Variants in MCM3AP observed in about 807,000 individuals in gnomAD.
MCM3AP encodes minichromosome maintenance complex component 3 associated protein, also known as germinal-center associated nuclear protein.
In MCM3AP, 126 loss-of-function variants were observed where a neutral mutation model predicts 184.1. The observed-to-expected ratio is 0.68, with a 90% CI of 0.59 to 0.79. The LOEUF is 0.79. Among genes scored for constraint, MCM3AP ranks in the 30% least tolerant of loss-of-function variants. The probability of loss-of-function intolerance (pLI) is 0.00; values close to 1 mark genes in which losing one functional copy is unlikely to be tolerated. For synonymous variants in MCM3AP, 1,002 were observed against 979.3 expected, an observed-to-expected ratio of 1.02 and a Z score of -0.43; for missense variants, 2,496 against 2,479.2, an observed-to-expected ratio of 1.01 and a Z score of -0.14.
chr21:46,275,361 C>T (rs753905540), intron 5 of MCM3AP, 36 bp from the exon 6 acceptor site: 4 of 1,588,858 alleles, frequency 2.5e-6, no homozygotes, highest in Non-Finnish European at 3.4e-6. Context: ...GAATGTACCA[C>T]ATGGTTAGCA....
intron 7 of MCM3AP, among the ~76,000 whole-genome samples, chr21:46,273,071 A>G (rs1024624708): frequency 1.3e-5 from 2 of 151,764 alleles, no homozygotes; most frequent in Non-Finnish European, 2.9e-5. Flanking sequence ...TCCGCCTCCC[A>G]GGTTCAAGCA....
intron 10 of MCM3AP, chr21:46,266,520 C>T (rs2081114761): frequency 1.3e-5 from 3 of 234,600 alleles, no homozygotes; most frequent in African/African-American, 2.3e-5. Context: ...TTAGAGGAGA[C>T]AGGGTGGGGA....
chr21:46,267,380 G>T, intron 9 of MCM3AP: 1 of 504,826 alleles, frequency 2.0e-6, no homozygotes, highest in Non-Finnish European at 3.5e-6. Flanking sequence ...GATGGCTTGT[G>T]AAGGTTTTAT....
At position 46,285,604 on chromosome 21, in the gene MCM3AP, T is replaced by C; in HGVS notation, c.-318A>G. The C allele has an allele frequency of 4.5e-6, 1 of 220,284 alleles. No individual in the cohort carries two copies. The highest frequency in any genetic ancestry group is 8.7e-6 in the Non-Finnish European group (1 of 115,364). 13.6% of individuals were successfully genotyped at this position (220,284 alleles called of 1,614,324 possible). A position where few individuals can be genotyped will look rare whatever the true frequency, so the allele number is the denominator to read the frequency against. ...GTTACAGAGGTTTAAAGCGTGATCCTTTAAGATTAAAAAAAAAAAAGCCGA... is the reference window on the plus strand; with the variant it reads ...GTTACAGAGGTTTAAAGCGTGATCCCTTAAGATTAAAAAAAAAAAAGCCGA... On this transcript the variant is annotated 5_prime_UTR_variant, in exon 1 of 28. Coordinates refer to ENST00000291688, the MANE Select transcript of MCM3AP (RefSeq NM_003906.5).
At position 46,280,080 on chromosome 21, in the gene MCM3AP, C is replaced by T. The variant is rs533982769; in HGVS notation, c.1580G>A (p.Ser527Asn). 6.2e-7 allele frequency: 1 copy of T among 1,614,228 alleles called. No individual in the cohort carries two copies. Among genetic ancestry groups the T allele is most frequent in the East Asian group, 2.2e-5 (1 of 44,886 alleles). Residue 527 changes from serine to asparagine, a missense_variant, in exon 4 of 28, where the codon AGC becomes AAC. This residue lies in a region of MCM3AP where 800 missense variants were observed against 717.1 expected (regional missense o/e 1.12). Coordinates refer to ENST00000291688, the MANE Select transcript of MCM3AP (RefSeq NM_003906.5). ...KEKKPGDGEV[S>N]PSTEDAPFQH... ...AAAGGGTGCATCCTCTGTGCTCGGG[C>T]TGACTTCACCGTCACCTGGTTTCTT...
chr21:46,235,373 T>C lies in MCM3AP; in HGVS notation c.5838A>G (p.Leu1946=). 1 of 1,614,164 alleles carries C rather than the reference T, an allele frequency of 6.2e-7. No individual in the cohort carries two copies. The highest frequency in any genetic ancestry group is 8.5e-7 in the Non-Finnish European group (1 of 1,180,002). The change falls in exon 28 of 28, where the codon CTA becomes CTG. Residue 1946 remains leucine (L), a synonymous_variant. Coordinates refer to ENST00000291688, the MANE Select transcript of MCM3AP (RefSeq NM_003906.5). ...TTTCCAGGTGCTTTAGTCGTTCGCC[T>C]AGACACGTTCCTGTCGCCTCTGACA... is the stretch of plus-strand genomic sequence containing the variant. The part of the protein sequence containing the change: ...LQLSEATGTC[L]GERLKHLERL...
At chr21:46,264,267 A>G in intron 12 of MCM3AP, 50 bp from the exon 13 acceptor site, 1 of 1,185,202 alleles carries the variant, frequency 8.4e-7, no homozygotes, top group South Asian at 1.3e-5. Context: ...CCCAGGGCAG[A>G]AATGCTGGGT....
chr21:46,266,717 C>G, intron 10 of MCM3AP: 1 of 478,468 alleles, frequency 2.1e-6, no homozygotes, highest in Non-Finnish European at 3.7e-6. Flanking sequence ...AAGGCCCTAA[C>G]TTTTATCTTT....
chr21:46,282,026 G>A lies in MCM3AP; in HGVS notation c.1444-1451C>T, dbSNP rs186441280. Among the ~76,000 whole-genome samples the A allele has an allele frequency of 1.7e-3, 251 of 151,968 alleles. 2 individuals are homozygous for A. The highest frequency in any genetic ancestry group is 5.5e-3 in the African/African-American group (229 of 41,442). Reference sequence around the variant, plus strand: ...AACAACAACAACAAAAATGAGAGCCGGTACAATGACTCAGGTCTGTAATCC... The same window carrying A: ...AACAACAACAACAAAAATGAGAGCCAGTACAATGACTCAGGTCTGTAATCC... On this transcript the variant is annotated intron_variant, in intron 2 of 27. Coordinates refer to ENST00000291688, the MANE Select transcript of MCM3AP (RefSeq NM_003906.5).
intron 8 of MCM3AP, among the ~76,000 whole-genome samples, 188 bp downstream of exon 8, chr21:46,272,373 C>T (rs1262797989): frequency 6.6e-6 from 1 of 152,164 alleles, no homozygotes; most frequent in Admixed American, 6.6e-5. Context: ...GGGCACACCC[C>T]CATCGCTCTT....
Position 46,285,000 on chromosome 21 carries a change from G to T in MCM3AP, c.287C>A (p.Thr96Asn), listed in dbSNP as rs560346212. Residue 96 changes from threonine to asparagine, a missense_variant, in exon 1 of 28, where the codon ACC becomes AAC. By Grantham distance (65) the Thr-to-Asn change is moderately conservative. Coordinates refer to ENST00000291688, the MANE Select transcript of MCM3AP (RefSeq NM_003906.5). ...GLEHTSTFVA[T>N]SGPSSSSVLG... is the part of the protein sequence containing the mutation. Reference sequence around the variant, plus strand: ...CACAGATGAACTTGAAGGCCCAGAGGTAGCCACAAAGGTGGAAGTGTGCTC... The same window carrying T: ...CACAGATGAACTTGAAGGCCCAGAGTTAGCCACAAAGGTGGAAGTGTGCTC... The T allele has an allele frequency of 3.7e-6, 6 of 1,614,156 alleles. No homozygotes were observed. The highest frequency in any genetic ancestry group is 5.1e-6 in the Non-Finnish European group (6 of 1,180,030).
intron 21 of MCM3AP, 59 bp downstream of exon 21, chr21:46,246,569 A>AGGGCCTCCACCCATTT (rs2080774209): frequency 6.3e-7 from 1 of 1,594,708 alleles, no homozygotes; most frequent in Non-Finnish European, 8.6e-7. Context: ...CCTCAGACCC[A>AGGGCCTCCACCCATTT]GGGCCTCCAC....
At position 46,265,641 on chromosome 21, in the gene MCM3AP, C is replaced by G. The variant is rs920671015; in HGVS notation, c.3032-118G>C. 1.0e-5 allele frequency: 9 copies of G among 871,586 alleles called. No homozygotes were observed. The African/African-American group carries it at 1.4e-4, about 13-fold the overall frequency. 54.0% of individuals were successfully genotyped at this position (871,586 alleles called of 1,614,324 possible). ...ACCCACAGTGACCCTGAGGACTGGCCTGCCCTCCAGGAGACCAGCTACGTG... is the reference window on the plus strand; with the variant it reads ...ACCCACAGTGACCCTGAGGACTGGCGTGCCCTCCAGGAGACCAGCTACGTG... On this transcript the variant is annotated intron_variant, in intron 11 of 27. Coordinates refer to ENST00000291688, the MANE Select transcript of MCM3AP (RefSeq NM_003906.5).
Position 46,265,499 on chromosome 21 carries a change from C to T in MCM3AP, c.3056G>A (p.Gly1019Asp). Residue 1019 changes from glycine (G) to aspartate (D), a missense_variant, in exon 12 of 28, where the codon GGT becomes GAT. Physicochemically the swap from Gly to Asp is moderately conservative, Grantham distance 94. Transcript: ENST00000291688. ...GGACAGGGGTGCATCCGGCTCTACACCACACTCCTCTCCTCTCCCTCCGCC... is the reference window on the plus strand; with the variant it reads ...GGACAGGGGTGCATCCGGCTCTACATCACACTCCTCTCCTCTCCCTCCGCC... ...TVGGGRGEEC[G>D]VEPDAPLSSL... The T allele has an allele frequency of 6.2e-7, 1 of 1,606,688 alleles. No homozygotes were observed. Among genetic ancestry groups the T allele is most frequent in the South Asian group, 1.1e-5 (1 of 90,312 alleles).
rs767376064 is a variant in MCM3AP, at chr21:46,244,811, CA to C, written c.5033del (p.Leu1678ArgfsTer76). 2 of 1,611,346 alleles carry C rather than the reference CA, an allele frequency of 1.2e-6. No homozygotes were observed. Among genetic ancestry groups the C allele is most frequent in the Non-Finnish European group, 1.7e-6 (2 of 1,178,428 alleles). On this transcript the variant is annotated frameshift_variant, in exon 23 of 28. Transcript: ENST00000291688. LOFTEE classifies it high-confidence loss of function. ...CTCCCCAGGTCAAGCACGTACCCCC[CA>C]GGGGTGGAAGGTCCATCTGCGGAAG... ...FQLPQMDLPP[L>X]GAPWLPVCSM...
In MCM3AP at chr21:46,265,983, C is replaced by T. The variant is rs1412060848; in HGVS notation, c.2973G>A (p.Gly991=). 1.9e-6 allele frequency: 3 copies of T among 1,606,434 alleles called. No individual in the cohort carries two copies. The highest frequency in any genetic ancestry group is 2.2e-5 in the East Asian group (1 of 44,746). ...CSFNSQNKYI[G]ESLAAELPVS... ...CGGGCAGCTCCGCGGCCAGGCTCTC[C>T]CCGATGTACTTGTTCTGGGAGTTGA... The change falls in exon 11 of 28, where the codon GGG becomes GGA. Residue 991 remains glycine (G), a synonymous_variant. Transcript: ENST00000291688.
chr21:46,256,848 G>A lies in MCM3AP; in HGVS notation c.3873C>T (p.Asn1291=). The A allele has an allele frequency of 6.3e-7, 1 of 1,576,164 alleles. No individual in the cohort carries two copies. The highest frequency in any genetic ancestry group is 8.6e-7 in the Non-Finnish European group (1 of 1,160,722). ...PSAECPIAEE[N]LARGLLDLGH... is the part of the protein sequence containing the mutation. ...CCAGGTCCAGGAGGCCCCTGGCCAG[G>A]TTCTCTTCAGCAATGGGGCACTCTG... is the stretch of plus-strand genomic sequence containing the variant. The change falls in exon 17 of 28, where the codon AAC becomes AAT. Residue 1291 remains asparagine, a synonymous_variant. Coordinates refer to ENST00000291688, the MANE Select transcript of MCM3AP (RefSeq NM_003906.5).
intron 6 of MCM3AP, 150 bp downstream of exon 6, chr21:46,275,036 C>T: frequency 1.4e-6 from 1 of 699,520 alleles, no homozygotes; most frequent in Middle Eastern, 4.4e-4. Context: ...ACAGAGTGAA[C>T]ATCTCACAAT....
chr21:46,240,184 G>A (rs2080632597), intron 26 of MCM3AP, among the ~76,000 whole-genome samples: 3 of 152,110 alleles, frequency 2.0e-5, no homozygotes, highest in African/African-American at 7.2e-5. Flanking sequence ...CCCAGCCCAG[G>A]GAAGGGCTGA....
Sources: gnomAD v4.1 joint callset for allele counts (sites outside exome capture counted in the v4.1 genomes callset) on GRCh38, gnomAD v4.1.1 for gene constraint, gnomAD v4.1.1 regional missense constraint, MANE v1.5 for transcripts, NCBI Gene and HGNC (gene_info 2026-07-23, HGNC 2026-07-21) for gene names.